ADAMTS16: variants seen among roughly 807,000 people sequenced by gnomAD.
The protein encoded by ADAMTS16 is A disintegrin and metalloproteinase with thrombospondin motifs 16.
A neutral mutation model predicts 145.8 loss-of-function variants in ADAMTS16; 94 were observed. The ratio of observed to expected loss-of-function variants is 0.64; its 90% CI spans 0.55 to 0.77. The LOEUF (loss-of-function observed/expected upper bound fraction) is 0.77. ADAMTS16 is among the 30% of genes least tolerant of loss of function. The pLI, the probability that ADAMTS16 is intolerant of heterozygous loss-of-function variation, is 0.00. For synonymous variants in ADAMTS16, 659 were observed against 604.3 expected, an observed-to-expected ratio of 1.09 and a Z score of -1.33; for missense variants, 1,585 against 1,591.5, an observed-to-expected ratio of 1.00 and a Z score of 0.07.
At chr5:5,313,574 G>C (rs543892880) in intron 21 of ADAMTS16, among the ~76,000 whole-genome samples, 2 of 152,192 alleles carry the variant, frequency 1.3e-5, no homozygotes, top group African/African-American at 4.8e-5. Flanking sequence ...TGGGCAGTGT[G>C]GGGGGTGGGG....
chr5:5,229,443 T>C (rs72724148), intron 11 of ADAMTS16, among the ~76,000 whole-genome samples: 3,369 of 152,284 alleles, frequency 0.022, 54 homozygotes, highest in Non-Finnish European at 0.035. Context: ...CCTTGTATCC[T>C]TTGTTCGGTG....
intron 17 of ADAMTS16, among the ~76,000 whole-genome samples, chr5:5,247,071 T>G (rs1398535934): frequency 2.0e-5 from 3 of 152,230 alleles, no homozygotes; most frequent in Non-Finnish European, 4.4e-5. Flanking sequence ...TGGTTCCTAC[T>G]GCTCATCTGA....
intron 3 of ADAMTS16, among the ~76,000 whole-genome samples, chr5:5,168,674 TTATAA>T (rs1457953891): frequency 2.9e-5 from 1 of 34,404 alleles, no homozygotes; most frequent in Non-Finnish European, 5.2e-5. Flanking sequence ...TATATAATAA[TTATAA>T]TTATATAATT....
chr5:5,180,030 T>G (rs1046470065), intron 3 of ADAMTS16, among the ~76,000 whole-genome samples: 1 of 152,212 alleles, frequency 6.6e-6, no homozygotes, highest in Non-Finnish European at 1.5e-5. Context: ...CAGTTCACAC[T>G]GTACAAATGT....
chr5:5,208,501 A>G lies in ADAMTS16; in HGVS notation c.1452-592A>G, dbSNP rs530947156. On this transcript the variant is annotated intron_variant, in intron 9 of 22. Transcript: ENST00000274181. ...ATTATTACTTGTTCTTTAGCCATCT[A>G]CCAATGATTTCAGCAAGGTTAATTT... Among the ~76,000 whole-genome samples the G allele has an allele frequency of 6.6e-5, 10 of 152,354 alleles. No homozygotes were observed. In the South Asian group the frequency reaches 1.9e-3, roughly 28 times the overall value.
rs1740363905 is a variant in ADAMTS16, at chr5:5,310,163, G to A, written c.3411+3435G>A. On this transcript the variant is annotated intron_variant, in intron 21 of 22. Coordinates refer to ENST00000274181, the MANE Select transcript of ADAMTS16 (RefSeq NM_139056.4). This position sits in a 1 kb window ranked among gnomAD's most constrained non-coding sequence, Gnocchi z 4.3. ...CAGCCAAGCATCCCCCAAATGCTTG[G>A]TCAGATGGAACCATTTGTCCCTGAC... is the stretch of plus-strand genomic sequence containing the variant. Among the ~76,000 whole-genome samples, 1 of 152,096 alleles carries A rather than the reference G, an allele frequency of 6.6e-6. No homozygotes were observed. Among genetic ancestry groups the A allele is most frequent in the Admixed American group, 6.6e-5 (1 of 15,266 alleles).
chr5:5,235,470 GATCCTGCA>G (rs3058411), intron 13 of ADAMTS16, among the ~76,000 whole-genome samples: 106,364 of 151,386 alleles, frequency 0.7, 37,994 homozygotes, highest in East Asian at 0.83. Flanking sequence ...ACACAAAGTA[GATCCTGCA>G]TGGAAATTGA....
chr5:5,154,053 A>G (rs1344643646), intron 3 of ADAMTS16, among the ~76,000 whole-genome samples: 2 of 152,214 alleles, frequency 1.3e-5, no homozygotes, highest in East Asian at 1.9e-4. Context: ...AAAACACTCA[A>G]TAAATCCTAG....
rs1238036761 is a variant in ADAMTS16, at chr5:5,269,212, G to A, written c.2789+6429G>A. Reference sequence around the variant, plus strand: ...CCCCGGAGCCCCCACCCAGGCCAGAGGCTGTGGCAGTGCTGGAACCCTCCC... The same window carrying A: ...CCCCGGAGCCCCCACCCAGGCCAGAAGCTGTGGCAGTGCTGGAACCCTCCC... On this transcript the variant is annotated intron_variant, in intron 18 of 22. Transcript: ENST00000274181. The surrounding 1 kb of genome is among the most constrained non-coding windows in gnomAD (Gnocchi z 4.3). Among the ~76,000 whole-genome samples, 1 of 151,994 alleles carries A rather than the reference G, an allele frequency of 6.6e-6. No individual in the cohort carries two copies. Among genetic ancestry groups the A allele is most frequent in the African/African-American group, 2.4e-5 (1 of 41,378 alleles).
At chr5:5,314,424 C>G (rs1203121610) in intron 21 of ADAMTS16, among the ~76,000 whole-genome samples, 1 of 152,194 alleles carries the variant, frequency 6.6e-6, no homozygotes, top group African/African-American at 2.4e-5. Context: ...GTTTGGAAGT[C>G]ACCAAGGGAA....
chr5:5,319,364 C>A lies in ADAMTS16; in HGVS notation c.*226C>A. ...TGTCTCCTGTCAGGCTGAAATGTGG[C>A]ACCCTGGCAGACAGAGCTGTGGCTC... On this transcript the variant is annotated 3_prime_UTR_variant, in exon 23 of 23. Transcript: ENST00000274181. 1.9e-6 allele frequency: 1 copy of A among 529,476 alleles called. No individual in the cohort carries two copies. Among genetic ancestry groups the A allele is most frequent in the East Asian group, 3.3e-5 (1 of 30,232 alleles). 32.8% of individuals were successfully genotyped at this position (529,476 alleles called of 1,614,324 possible). A position where few individuals can be genotyped will look rare whatever the true frequency, so the allele number is the denominator to read the frequency against.
chr5:5,167,958 T>G (rs921584772), intron 3 of ADAMTS16, among the ~76,000 whole-genome samples: 1 of 152,246 alleles, frequency 6.6e-6, no homozygotes, highest in Non-Finnish European at 1.5e-5. Flanking sequence ...TAATTTAAAT[T>G]TAAATGTGCA....
intron 2 of ADAMTS16, among the ~76,000 whole-genome samples, chr5:5,141,963 G>A (rs954312017): frequency 5.3e-5 from 8 of 151,898 alleles, no homozygotes; most frequent in African/African-American, 1.9e-4. Flanking sequence ...TCCTCTTGTG[G>A]TTGTCCTTGT....
chr5:5,201,338 G>C (rs544419620), intron 9 of ADAMTS16, among the ~76,000 whole-genome samples: 2 of 151,910 alleles, frequency 1.3e-5, no homozygotes, highest in East Asian at 3.9e-4. Flanking sequence ...TCCTATTGCA[G>C]AAAAGTAAAT....
intron 10 of ADAMTS16, among the ~76,000 whole-genome samples, chr5:5,215,870 G>GTACATATATATATA (rs1736420596): frequency 9.8e-6 from 1 of 101,642 alleles, no homozygotes; most frequent in Non-Finnish European, 1.8e-5. Context: ...GTGTGTATGT[G>GTACATATATATATA]TATATATATA....
chr5:5,161,396 A>G (rs902213338), intron 3 of ADAMTS16, among the ~76,000 whole-genome samples: 6 of 152,134 alleles, frequency 3.9e-5, no homozygotes, highest in African/African-American at 1.4e-4. Context: ...CCCTTTGTCA[A>G]TGGTGTGGCT....
chr5:5,196,960 C>T (rs1735822671), intron 8 of ADAMTS16, among the ~76,000 whole-genome samples: 1 of 152,212 alleles, frequency 6.6e-6, no homozygotes, highest in African/African-American at 2.4e-5. Context: ...CTTCTCTGCC[C>T]ATTTCCCTCA....
Position 5,200,197 on chromosome 5 carries a change from C to G in ADAMTS16, c.1379C>G (p.Pro460Arg). ...AAGTCCGAGGGCAACATCATGTCCCCTACATTGGCAGGACGCAATGGAGTC... is the reference window on the plus strand; with the variant it reads ...AAGTCCGAGGGCAACATCATGTCCCGTACATTGGCAGGACGCAATGGAGTC... ...CKKSEGNIMS[P>R]TLAGRNGVFS... The change falls in exon 9 of 23, where the codon CCT (proline) becomes CGT (arginine). Residue 460 changes from proline (P) to arginine (R), a missense_variant. Pro to Arg is a moderately radical substitution (Grantham distance 103, BLOSUM62 -2). Around this residue, in one of 3 missense-constraint regions of ADAMTS16, gnomAD observed 298 missense variants for 367.6 expected, o/e 0.81. Coordinates refer to ENST00000274181, the MANE Select transcript of ADAMTS16 (RefSeq NM_139056.4). The G allele has an allele frequency of 6.2e-7, 1 of 1,614,040 alleles. No homozygotes were observed. The highest frequency in any genetic ancestry group is 8.5e-7 in the Non-Finnish European group (1 of 1,179,972).
intron 18 of ADAMTS16, among the ~76,000 whole-genome samples, chr5:5,263,610 C>T (rs1456672903): frequency 6.6e-6 from 1 of 152,240 alleles, no homozygotes; most frequent in Non-Finnish European, 1.5e-5. Context: ...CAGGAGCAAG[C>T]TCTGTGCAGA....
Sources: gnomAD v4.1 joint callset for allele counts (sites outside exome capture counted in the v4.1 genomes callset) on GRCh38, gnomAD v4.1.1 for gene constraint, gnomAD v4.1.1 regional missense constraint, Gnocchi (gnomAD v3.1) non-coding constraint, MANE v1.5 for transcripts, NCBI Gene and HGNC (gene_info 2026-07-23, HGNC 2026-07-21) for gene names.